Variants in LAMA4 observed in about 807,000 individuals in gnomAD.
LAMA4 encodes laminin subunit alpha-4.
A neutral mutation model predicts 207.1 loss-of-function variants in LAMA4; 127 were observed. The ratio of observed to expected loss-of-function variants is 0.61; its 90% CI spans 0.53 to 0.71. LAMA4 has a LOEUF of 0.71. Ranked by LOEUF, LAMA4 falls within the 30% of genes least tolerant of loss-of-function variation. The pLI, the probability that LAMA4 is intolerant of heterozygous loss-of-function variation, is 0.00. For synonymous variants in LAMA4, 761 were observed against 816.0 expected (o/e 0.93, Z 1.15); for missense variants, 2,093 against 2,246.5 (o/e 0.93, Z 1.38).
chr6:112,210,005 C>G (rs537487799), intron 3 of LAMA4, among the ~76,000 whole-genome samples: 5 of 151,072 alleles, frequency 3.3e-5, no homozygotes, highest in Admixed American at 2.0e-4. Context: ...AGCACCTCCC[C>G]CTTTGTGCTC....
rs1284188129 is a variant in LAMA4, at chr6:112,160,875, A to G, written c.1669-1995T>C. On this transcript the variant is annotated intron_variant, in intron 13 of 38. Coordinates refer to ENST00000230538, the MANE Select transcript of LAMA4 (RefSeq NM_001105206.3). ...GTAATCTTCCTATTAAGAAAATCTG[A>G]CCATGTTATTTCCCTTCTCAGAATC... Among the ~76,000 whole-genome samples, 3 of 152,178 alleles carry G rather than the reference A, an allele frequency of 2.0e-5. No homozygotes were observed. In the East Asian group the frequency reaches 5.8e-4, roughly 29 times the overall value.
intron 15 of LAMA4, 131 bp from the exon 16 acceptor site, chr6:112,155,078 C>A: frequency 1.4e-6 from 1 of 735,466 alleles, no homozygotes; most frequent in East Asian, 2.6e-5. Context: ...ATTTTCACAG[C>A]TTAAAATTAA....
At chr6:112,148,112 C>T (rs1554334924) in intron 18 of LAMA4, 45 bp downstream of exon 18, 1 of 1,562,404 alleles carries the variant, frequency 6.4e-7, no homozygotes. Context: ...AGTTTAATGG[C>T]CAATTCCTTA....
At chr6:112,180,654 TATAGTAC>T (rs1403761723) in intron 9 of LAMA4, among the ~76,000 whole-genome samples, 3 of 152,322 alleles carry the variant, frequency 2.0e-5, no homozygotes, top group Admixed American at 6.5e-5. Flanking sequence ...GTCTTGGTAA[TATAGTAC>T]ATAAAAGGTA....
intron 22 of LAMA4, among the ~76,000 whole-genome samples, 161 bp from the exon 23 acceptor site, chr6:112,140,046 C>T (rs782194923): frequency 1.3e-5 from 2 of 152,054 alleles, no homozygotes; most frequent in Admixed American, 1.3e-4. Context: ...TTAGATATGG[C>T]GTAACTTGTC....
chr6:112,165,174 CA>C lies in LAMA4; in HGVS notation c.1653del (p.Asp552MetfsTer3), dbSNP rs1446298137. On this transcript the variant is annotated frameshift_variant, in exon 13 of 39. Coordinates refer to ENST00000230538, the MANE Select transcript of LAMA4 (RefSeq NM_001105206.3). LOFTEE classifies it high-confidence loss of function. Reference protein sequence around the residue: ...LTTPRLTLSELDDIIKNASGI... With the variant: ...LTTPRLTLSEXDDIIKNASGI... The stretch of plus-strand genomic sequence containing the variant: ...TGCGTCCTTACCTTTATTATATCAT[CA>C]AGTTCTGAAAGAGTTAGACGAGGTG... The C allele has an allele frequency of 6.2e-7, 1 of 1,603,360 alleles. No individual in the cohort carries two copies. Among genetic ancestry groups the C allele is most frequent in the East Asian group, 2.2e-5 (1 of 44,814 alleles).
intron 4 of LAMA4, among the ~76,000 whole-genome samples, chr6:112,203,950 G>A (rs1783909609): frequency 6.6e-6 from 1 of 152,116 alleles, no homozygotes; most frequent in Admixed American, 6.5e-5. Flanking sequence ...AAAAACATGG[G>A]CAGACATGGT....
intron 9 of LAMA4, 150 bp from the exon 10 acceptor site, chr6:112,178,382 A>G (rs573392165): frequency 1.5e-6 from 1 of 669,816 alleles, no homozygotes; most frequent in South Asian, 1.7e-5. Flanking sequence ...CATCCCAAAA[A>G]TAATGCATGA....
chr6:112,109,727 T>G (rs1777592957), intron 38 of LAMA4, 145 bp from the exon 39 acceptor site: 1 of 864,382 alleles, frequency 1.2e-6, no homozygotes, highest in African/African-American at 2.3e-5. Context: ...AATTGACTCA[T>G]TTCTCAGTAA....
chr6:112,252,851 A>G (rs1350585462), intron 2 of LAMA4, among the ~76,000 whole-genome samples: 1 of 152,148 alleles, frequency 6.6e-6, no homozygotes, highest in African/African-American at 2.4e-5. Flanking sequence ...CATGGAGGCT[A>G]CATTTTATAC....
chr6:112,145,604 A>G (rs1002330631), intron 18 of LAMA4, among the ~76,000 whole-genome samples: 1 of 152,096 alleles, frequency 6.6e-6, no homozygotes, highest in Non-Finnish European at 1.5e-5. Context: ...ACAGAACTAT[A>G]TTTCACCTGT....
chr6:112,130,430 T>C (rs1583665070), intron 29 of LAMA4, among the ~76,000 whole-genome samples: 1 of 151,926 alleles, frequency 6.6e-6, no homozygotes, highest in African/African-American at 2.4e-5. Flanking sequence ...TGATCCTTAC[T>C]GGAAGTGGGG....
At chr6:112,226,595 T>C (rs1357795580) in intron 2 of LAMA4, among the ~76,000 whole-genome samples, 1 of 152,248 alleles carries the variant, frequency 6.6e-6, no homozygotes, top group Non-Finnish European at 1.5e-5. Context: ...CTGAAATCAC[T>C]GTGAACTCCT....
chr6:112,113,878 T>C (rs1777849397), intron 38 of LAMA4, among the ~76,000 whole-genome samples, 198 bp downstream of exon 38: 1 of 151,892 alleles, frequency 6.6e-6, no homozygotes, highest in Non-Finnish European at 1.5e-5. Flanking sequence ...CAAGGGAGAG[T>C]AATAGCCACT....
In LAMA4 at chr6:112,108,934, T is replaced by G. The variant is rs1294072021; in HGVS notation, c.*503A>C. 6.2e-6 allele frequency: 1 copy of G among 161,800 alleles called. No individual in the cohort carries two copies. The highest frequency in any genetic ancestry group is 1.7e-4 in the East Asian group (1 of 5,738). 10.0% of individuals were successfully genotyped at this position (161,800 alleles called of 1,614,324 possible). A position where few individuals can be genotyped will look rare whatever the true frequency, so the allele number is the denominator to read the frequency against. On this transcript the variant is annotated 3_prime_UTR_variant, in exon 39 of 39. Coordinates refer to ENST00000230538, the MANE Select transcript of LAMA4 (RefSeq NM_001105206.3). ...CAGCTATAAACCTAAAATATTCTTC[T>G]TATACTGATAGACCAAACAAAAGGG...
chr6:112,142,280 T>G lies in LAMA4; in HGVS notation c.2506A>C (p.Met836Leu). 6.2e-7 allele frequency: 1 copy of G among 1,614,126 alleles called. No homozygotes were observed. Among genetic ancestry groups the G allele is most frequent in the South Asian group, 1.1e-5 (1 of 91,084 alleles). ...RSVASKIQVS[M>L]MFDGQSAVEV... is the part of the protein sequence containing the mutation. ...ACAGCTGACTGGCCATCAAACATCA[T>G]GGAGACTTGGATCTGGAGTGACACA... is the stretch of plus-strand genomic sequence containing the variant. Residue 836 changes from methionine (M) to leucine (L), a missense_variant, in exon 20 of 39, where the codon ATG becomes CTG. By Grantham distance (15) the Met-to-Leu change is conservative. Coordinates refer to ENST00000230538, the MANE Select transcript of LAMA4 (RefSeq NM_001105206.3).
intron 38 of LAMA4, 54 bp from the exon 39 acceptor site, chr6:112,109,636 A>C: frequency 1.3e-6 from 2 of 1,559,440 alleles, no homozygotes; most frequent in Non-Finnish European, 8.8e-7. Context: ...TTCCAAGCCC[A>C]AATATTACTT....
intron 24 of LAMA4, among the ~76,000 whole-genome samples, chr6:112,138,086 G>A (rs1583685750): frequency 6.6e-6 from 1 of 152,032 alleles, no homozygotes; most frequent in East Asian, 1.9e-4. Flanking sequence ...TCTCCTATCA[G>A]CTCTATTAAA....
rs971943857 is a variant in LAMA4, at chr6:112,118,634, C to A, written c.4821+522G>T. Among the ~76,000 whole-genome samples, 2 of 151,860 alleles carry A rather than the reference C, an allele frequency of 1.3e-5. No individual in the cohort carries two copies. Among genetic ancestry groups the A allele is most frequent in the African/African-American group, 4.8e-5 (2 of 41,354 alleles). ...CAATATTTTTAATTTTTAAATTACA[C>A]AAATAATATTTTTCTACTATATTCT... On this transcript the variant is annotated intron_variant, in intron 34 of 38. Coordinates refer to ENST00000230538, the MANE Select transcript of LAMA4 (RefSeq NM_001105206.3). This position sits in a 1 kb window ranked among gnomAD's most constrained non-coding sequence, Gnocchi z 4.6.
Sources: allele counts gnomAD v4.1 joint callset (sites outside exome capture counted in the v4.1 genomes callset), GRCh38; gene constraint gnomAD v4.1.1; non-coding constraint Gnocchi (gnomAD v3.1); transcripts MANE v1.5; gene names NCBI Gene and HGNC (gene_info 2026-07-23, HGNC 2026-07-21).